PTPRG: variants seen among roughly 807,000 people sequenced by gnomAD.
PTPRG encodes the protein receptor-type tyrosine-protein phosphatase gamma.
Under a neutral mutation model 165.3 loss-of-function variants are expected in PTPRG, and 102 were observed. That is an observed-to-expected ratio of 0.62 (90% CI 0.53 to 0.73). The LOEUF is 0.73. Among genes scored for constraint, PTPRG ranks in the 30% least tolerant of loss-of-function variants. PTPRG has a pLI of 0.00. For missense variants in PTPRG, 1,866 were observed against 1,861.4 expected (o/e 1.00, Z -0.05); for synonymous variants, 675 against 669.5 (o/e 1.01, Z -0.13).
intron 2 of PTPRG, among the ~76,000 whole-genome samples, chr3:61,831,119 A>G (rs1055733606): frequency 6.6e-5 from 10 of 152,238 alleles, no homozygotes; most frequent in Admixed American, 3.3e-4. Context: ...TTAGTGATCC[A>G]TCTATTTAAT....
At chr3:61,742,811 C>A (rs527956471) in intron 1 of PTPRG, 286 of 1,606,334 alleles carry the variant, frequency 1.8e-4, no homozygotes, top group Middle Eastern at 1.7e-3. Flanking sequence ...AGCTTCTTGA[C>A]CAGTTTTTTA....
chr3:61,937,061 A>T (rs75319914), intron 2 of PTPRG, among the ~76,000 whole-genome samples: 2,081 of 152,290 alleles, frequency 0.014, 43 homozygotes, highest in African/African-American at 0.047. Context: ...CTAAAATGGG[A>T]ATCGTCTTCT....
chr3:62,129,477 G>A (rs1465377127), intron 5 of PTPRG, among the ~76,000 whole-genome samples: 1 of 151,940 alleles, frequency 6.6e-6, no homozygotes, highest in Non-Finnish European at 1.5e-5. Flanking sequence ...CAAGAGAATG[G>A]CCCTGACATC....
intron 4 of PTPRG, among the ~76,000 whole-genome samples, chr3:62,027,882 T>G (rs1456072391): frequency 6.6e-6 from 1 of 152,188 alleles, no homozygotes; most frequent in African/African-American, 2.4e-5. Context: ...CAGTAAGTAA[T>G]TTTCCTTGTT....
intron 10 of PTPRG, among the ~76,000 whole-genome samples, chr3:62,200,761 A>G (rs1180129018): frequency 2.0e-5 from 3 of 152,246 alleles, no homozygotes; most frequent in Admixed American, 6.5e-5. Flanking sequence ...AGTAGCTTAC[A>G]GGATTTTAAA....
chr3:62,279,221 C>T (rs1702343504), intron 26 of PTPRG, among the ~76,000 whole-genome samples: 1 of 151,998 alleles, frequency 6.6e-6, no homozygotes, highest in African/African-American at 2.4e-5. Flanking sequence ...TCACTGCTTC[C>T]TAACTCACAA....
intron 1 of PTPRG, among the ~76,000 whole-genome samples, chr3:61,584,568 T>C (rs1443991177): frequency 9.0e-6 from 1 of 111,398 alleles, no homozygotes; most frequent in East Asian, 2.3e-4. Flanking sequence ...TCAAGTAAAG[T>C]TTAGGTTTTT....
chr3:61,981,589 G>A (rs2040645396), intron 2 of PTPRG, among the ~76,000 whole-genome samples: 1 of 152,174 alleles, frequency 6.6e-6, no homozygotes, highest in African/African-American at 2.4e-5. Flanking sequence ...TGCTGTTGGT[G>A]TAAATCATTT....
chr3:61,563,614 T>C (rs1049178455), intron 1 of PTPRG, among the ~76,000 whole-genome samples: 1 of 152,168 alleles, frequency 6.6e-6, no homozygotes, highest in African/African-American at 2.4e-5. Context: ...TGCCCTCTCA[T>C]CCATCAACTC....
rs147291562 is a variant in PTPRG, at chr3:61,973,833, A to AAAAT, written c.191-15768_191-15765dup. ...TGGTGACAGAGCGAGACTCCATTTC[A>AAAAT]AAATAAATAAATAAATAAATAAATA... is the stretch of plus-strand genomic sequence containing the variant. On this transcript the variant is annotated intron_variant, in intron 2 of 29. Coordinates refer to ENST00000474889, the MANE Select transcript of PTPRG (RefSeq NM_002841.4). Among the ~76,000 whole-genome samples, 1,006 of 150,274 alleles carry AAAAT rather than the reference A, an allele frequency of 6.7e-3. 10 individuals carry two copies. The highest frequency in any genetic ancestry group is 0.022 in the African/African-American group (878 of 40,650).
intron 2 of PTPRG, among the ~76,000 whole-genome samples, chr3:61,886,164 G>C (rs1029774704): frequency 1.3e-5 from 2 of 152,026 alleles, no homozygotes; most frequent in South Asian, 2.1e-4. Flanking sequence ...ATTCCTGCTC[G>C]ATCCTTCCTT....
At chr3:61,826,065 T>C (rs1464309315) in intron 2 of PTPRG, among the ~76,000 whole-genome samples, 3 of 152,228 alleles carry the variant, frequency 2.0e-5, no homozygotes, top group Admixed American at 6.5e-5. Flanking sequence ...TCAAATATCC[T>C]TAACTCTCAT....
intron 1 of PTPRG, among the ~76,000 whole-genome samples, chr3:61,695,305 C>T (rs571386592): frequency 1.3e-5 from 2 of 152,336 alleles, no homozygotes; most frequent in East Asian, 1.9e-4. Context: ...GCCACCGCGC[C>T]TGGCGTGTTT....
intron 1 of PTPRG, among the ~76,000 whole-genome samples, chr3:61,642,727 T>C (rs1702099762): frequency 6.6e-6 from 1 of 152,232 alleles, no homozygotes. Flanking sequence ...AGAAGCTTAG[T>C]GTCTGTATTT....
intron 1 of PTPRG, among the ~76,000 whole-genome samples, chr3:61,733,282 A>G (rs930391903): frequency 2.0e-5 from 3 of 152,128 alleles, no homozygotes; most frequent in East Asian, 3.9e-4. Context: ...ATTCATTTCT[A>G]TGTTGTAGCC....
chr3:61,861,303 G>T (rs1488028111), intron 2 of PTPRG, among the ~76,000 whole-genome samples: 3 of 151,922 alleles, frequency 2.0e-5, no homozygotes, highest in Non-Finnish European at 2.9e-5. Flanking sequence ...TTTTCTTAGT[G>T]GGGAAAAAAA....
chr3:62,163,255 C>G (rs535390432), intron 7 of PTPRG, among the ~76,000 whole-genome samples: 1 of 152,172 alleles, frequency 6.6e-6, no homozygotes, highest in East Asian at 1.9e-4. Context: ...TGACCTTGGG[C>G]AAGTTACTCA....
intron 12 of PTPRG, among the ~76,000 whole-genome samples, chr3:62,215,099 A>G (rs979972979): frequency 6.6e-6 from 1 of 152,160 alleles, no homozygotes; most frequent in African/African-American, 2.4e-5. Flanking sequence ...AGGGAACAGC[A>G]GGAGATGATG....
chr3:62,115,993 G>A lies in PTPRG; in HGVS notation c.616-16609G>A, dbSNP rs147199506. Among the ~76,000 whole-genome samples the A allele has an allele frequency of 1.5e-3, 230 of 152,264 alleles. 3 individuals are homozygous for A. The highest frequency in any genetic ancestry group is 0.011 in the South Asian group (55 of 4,828). Reference sequence around the variant, plus strand: ...AACCAGTATTTTGGGGTGTTTATTCGATAAGTGGATTATTGTAGCAACTCT... The same window carrying A: ...AACCAGTATTTTGGGGTGTTTATTCAATAAGTGGATTATTGTAGCAACTCT... On this transcript the variant is annotated intron_variant, in intron 5 of 29. Transcript: ENST00000474889.
Sources: gnomAD v4.1 joint callset for allele counts (sites outside exome capture counted in the v4.1 genomes callset) on GRCh38, gnomAD v4.1.1 for gene constraint, MANE v1.5 for transcripts, NCBI Gene and HGNC (gene_info 2026-07-23, HGNC 2026-07-21) for gene names.